KIAA0825: variants seen among roughly 807,000 people sequenced by gnomAD.
The protein encoded by KIAA0825 is uncharacterized protein KIAA0825.
Under a neutral mutation model 147.6 loss-of-function variants are expected in KIAA0825, and 119 were observed. That is an observed-to-expected ratio of 0.81 (90% CI 0.69 to 0.94). KIAA0825 has a LOEUF of 0.94. Among genes scored for constraint, KIAA0825 ranks in the 40% least tolerant of loss-of-function variants. The probability of loss-of-function intolerance (pLI) is 0.00; values close to 1 mark genes in which losing one functional copy is unlikely to be tolerated. For synonymous variants in KIAA0825, 470 were observed against 518.1 expected (o/e 0.91, Z 1.26); for missense variants, 1,381 against 1,472.7 (o/e 0.94, Z 1.02).
At chr5:94,365,093 A>G (rs1451201494) in intron 20 of KIAA0825, among the ~76,000 whole-genome samples, 1 of 152,154 alleles carries the variant, frequency 6.6e-6, no homozygotes, top group African/African-American at 2.4e-5. Context: ...CACCTGCTCC[A>G]ACCAGTCTGT....
At chr5:94,576,686 G>A (rs1259873000) in intron 2 of KIAA0825, among the ~76,000 whole-genome samples, 2 of 152,118 alleles carry the variant, frequency 1.3e-5, no homozygotes, top group Non-Finnish European at 2.9e-5. Context: ...ACAGCAAGTG[G>A]ACTAATACAC....
At chr5:94,351,370 T>G (rs1783646525) in intron 20 of KIAA0825, among the ~76,000 whole-genome samples, 1 of 152,122 alleles carries the variant, frequency 6.6e-6, no homozygotes, top group African/African-American at 2.4e-5. Context: ...CACTTAGGAA[T>G]ACACCTAACC....
chr5:94,608,270 T>C (rs1012984170), intron 1 of KIAA0825, among the ~76,000 whole-genome samples: 5 of 143,874 alleles, frequency 3.5e-5, no homozygotes, highest in Non-Finnish European at 7.5e-5. Context: ...TATTTGTTTA[T>C]TTATTTATTG....
chr5:94,245,736 C>T (rs1407721032), intron 20 of KIAA0825, among the ~76,000 whole-genome samples: 1 of 152,030 alleles, frequency 6.6e-6, no homozygotes, highest in Non-Finnish European at 1.5e-5. Flanking sequence ...TGATATATGA[C>T]TAAAGTGACA....
chr5:94,591,478 A>T (rs1784348960), intron 1 of KIAA0825, among the ~76,000 whole-genome samples: 1 of 152,236 alleles, frequency 6.6e-6, no homozygotes, highest in African/African-American at 2.4e-5. Flanking sequence ...AAGCATGGGC[A>T]TGGGTACCCC....
Position 94,391,648 on chromosome 5 carries a change from C to T in KIAA0825, c.3343G>A (p.Val1115Ile), listed in dbSNP as rs2150561531. The change falls in exon 18 of 21, where the codon GTT (valine) becomes ATT (isoleucine). Residue 1115 changes from valine to isoleucine, a missense_variant. Transcript: ENST00000682413. ...EKSTALQEGDVALELTEQKIN... is the reference protein window; with the variant it reads ...EKSTALQEGDIALELTEQKIN... ...TTCTGCTCAGTCAGTTCAAGAGCAA[C>T]ATCTCCTTCTTGTAAGGCCGTGCTT... 6.4e-7 allele frequency: 1 copy of T among 1,550,968 alleles called. No individual in the cohort carries two copies. The highest frequency in any genetic ancestry group is 8.7e-7 in the Non-Finnish European group (1 of 1,146,622).
intron 20 of KIAA0825, among the ~76,000 whole-genome samples, chr5:94,224,129 T>C (rs1236096056): frequency 7.3e-6 from 1 of 137,852 alleles, no homozygotes; most frequent in African/African-American, 2.7e-5. Context: ...AGTCTCGCTC[T>C]GTCACCCAGG....
At chr5:94,471,770 C>T (rs1425642742) in intron 8 of KIAA0825, 39 bp from the exon 9 acceptor site, 2 of 1,538,848 alleles carry the variant, frequency 1.3e-6, no homozygotes, top group Non-Finnish European at 1.8e-6. Context: ...TATTTGTATT[C>T]TGACAGCACC....
At chr5:94,537,423 G>A (rs935426113) in intron 2 of KIAA0825, among the ~76,000 whole-genome samples, 3 of 152,084 alleles carry the variant, frequency 2.0e-5, no homozygotes, top group Non-Finnish European at 4.4e-5. Flanking sequence ...AGGCCGAGGC[G>A]GGTGGATCAC....
At chr5:94,533,229 C>T (rs1406655129) in intron 3 of KIAA0825, among the ~76,000 whole-genome samples, 3 of 151,158 alleles carry the variant, frequency 2.0e-5, no homozygotes, top group Non-Finnish European at 2.9e-5. Context: ...CCGCCCGCCT[C>T]GGCCTCCCAA....
chr5:94,515,364 C>T (rs1767056004), intron 5 of KIAA0825, among the ~76,000 whole-genome samples: 2 of 152,078 alleles, frequency 1.3e-5, no homozygotes, highest in Non-Finnish European at 2.9e-5. Flanking sequence ...CCAGATAATT[C>T]CAAATTAGGT....
intron 20 of KIAA0825, among the ~76,000 whole-genome samples, chr5:94,173,814 C>A (rs1768856674): frequency 6.6e-6 from 1 of 152,126 alleles, no homozygotes; most frequent in Admixed American, 6.6e-5. Flanking sequence ...GAAGTAGAGA[C>A]CCTTATGTGG....
chr5:94,253,083 TAAAC>T (rs1776053499), intron 20 of KIAA0825, among the ~76,000 whole-genome samples: 1 of 152,094 alleles, frequency 6.6e-6, no homozygotes, highest in African/African-American at 2.4e-5. Context: ...CTGTGCCCAT[TAAAC>T]AAAAACAGAA....
intron 2 of KIAA0825, among the ~76,000 whole-genome samples, chr5:94,553,204 G>A (rs1470973089): frequency 6.6e-6 from 1 of 151,922 alleles, no homozygotes; most frequent in Non-Finnish European, 1.5e-5. Context: ...TTTGGGAGGC[G>A]GAGGCGGGTG....
chr5:94,558,138 C>T (rs537870565), intron 2 of KIAA0825, among the ~76,000 whole-genome samples: 17 of 152,276 alleles, frequency 1.1e-4, no homozygotes, highest in South Asian at 4.1e-4. Flanking sequence ...TAACACTCAC[C>T]GCATGGCCCA....
Position 94,151,440 on chromosome 5 carries a change from A to C in KIAA0825, c.*2567T>G, listed in dbSNP as rs962060769. ...CTCCGTCTCAAAAAAAAAAAAAAAA[A>C]AAAAAAAAAAACATATTGAGTATAA... On this transcript the variant is annotated 3_prime_UTR_variant, in exon 21 of 21. Transcript: ENST00000682413. 2.0e-5 allele frequency among the ~76,000 whole-genome samples: 3 copies of C among 151,268 alleles called. No homozygotes were observed. Among genetic ancestry groups the C allele is most frequent in the East Asian group, 1.9e-4 (1 of 5,170 alleles).
At chr5:94,298,592 C>T (rs1017120117) in intron 20 of KIAA0825, among the ~76,000 whole-genome samples, 1 of 152,148 alleles carries the variant, frequency 6.6e-6, no homozygotes, top group African/African-American at 2.4e-5. Context: ...TTTGAGGTTC[C>T]ATTTCATCTG....
At chr5:94,186,491 A>G (rs1770131180) in intron 20 of KIAA0825, among the ~76,000 whole-genome samples, 1 of 152,326 alleles carries the variant, frequency 6.6e-6, no homozygotes, top group East Asian at 1.9e-4. Flanking sequence ...AAATAAGTCA[A>G]TTTGTAGGTG....
intron 6 of KIAA0825, among the ~76,000 whole-genome samples, chr5:94,482,688 CA>C (rs1762620848): frequency 6.6e-6 from 1 of 152,016 alleles, no homozygotes; most frequent in African/African-American, 2.4e-5. Context: ...CAATTTCCCT[CA>C]AGATCATTCT....
Sources: allele counts gnomAD v4.1 joint callset (sites outside exome capture counted in the v4.1 genomes callset), GRCh38; gene constraint gnomAD v4.1.1; transcripts MANE v1.5; gene names NCBI Gene and HGNC (gene_info 2026-07-23, HGNC 2026-07-21).